ARID2: variants seen among roughly 807,000 people sequenced by gnomAD.
ARID2 encodes the protein AT-rich interactive domain-containing protein 2.
A neutral mutation model predicts 184.6 loss-of-function variants in ARID2; 32 were observed. That is an observed-to-expected ratio of 0.17 (90% CI 0.13 to 0.23). The LOEUF is 0.23. ARID2 is among the 10% of genes least tolerant of loss of function. The pLI is 1.00. For missense variants in ARID2, 1,696 were observed against 2,197.6 expected (o/e 0.77, Z 4.56); for synonymous variants, 836 against 772.6 (o/e 1.08, Z -1.36).
chr12:45,821,521 A>G, intron 6 of ARID2, 34 bp downstream of exon 6: 1 of 1,353,916 alleles, frequency 7.4e-7, no homozygotes, highest in Non-Finnish European at 9.9e-7. Context: ...TGATTCATTG[A>G]GTTACATGCA....
chr12:45,851,383 C>T lies in ARID2; in HGVS notation c.3260C>T (p.Pro1087Leu), dbSNP rs776757244. 2 of 1,614,012 alleles carry T rather than the reference C, an allele frequency of 1.2e-6. No individual in the cohort carries two copies. The highest frequency in any genetic ancestry group is 1.1e-5 in the South Asian group (1 of 91,080). ...LILPAPQIPP[P>L]NNARAPSPQV... Reference sequence around the variant, plus strand: ...CTCCCAGCTCCACAGATTCCTCCCCCTAATAATGCAAGAGCTCCTAGCCCT... The same window carrying T: ...CTCCCAGCTCCACAGATTCCTCCCCTTAATAATGCAAGAGCTCCTAGCCCT... The change falls in exon 15 of 21, where the codon CCT (proline) becomes CTT (leucine). Residue 1087 changes from proline to leucine, a missense_variant. By Grantham distance (98) the Pro-to-Leu change is moderately conservative. Around this residue, in one of 11 missense-constraint regions of ARID2, gnomAD observed 713 missense variants for 824.4 expected, o/e 0.86. Coordinates refer to ENST00000334344, the MANE Select transcript of ARID2 (RefSeq NM_152641.4).
At chr12:45,891,726 G>A (rs1249955152) in intron 16 of ARID2, 54 bp from the exon 17 acceptor site, 28 of 1,572,906 alleles carry the variant, frequency 1.8e-5, no homozygotes, top group Non-Finnish European at 2.3e-5. Context: ...TTTTGAAATA[G>A]TTTCAAAATA....
At chr12:45,882,373 T>G (rs1203503589) in intron 16 of ARID2, 1 of 152,188 alleles carries the variant, frequency 6.6e-6, no homozygotes, top group Non-Finnish European at 1.5e-5. Context: ...GTACGAATAA[T>G]GCTTTGTCTG....
chr12:45,893,564 T>A (rs1944331687), intron 19 of ARID2, 21 bp downstream of exon 19: 1 of 1,612,212 alleles, frequency 6.2e-7, no homozygotes, highest in Non-Finnish European at 8.5e-7. Context: ...CTTGAAACCC[T>A]TATCTGTAAA....
intron 16 of ARID2, among the ~76,000 whole-genome samples, chr12:45,884,433 C>T (rs188245860): frequency 4.0e-4 from 61 of 152,182 alleles, no homozygotes; most frequent in African/African-American, 1.4e-3. Context: ...TGTTATAATA[C>T]CTGAATTGTA....
At chr12:45,737,754 T>C (rs1204593808) in intron 3 of ARID2, among the ~76,000 whole-genome samples, 1 of 152,146 alleles carries the variant, frequency 6.6e-6, no homozygotes, top group Non-Finnish European at 1.5e-5. Context: ...CCAATTTAGT[T>C]GCTGAGATGA....
chr12:45,731,546 C>T (rs910144740), intron 3 of ARID2, among the ~76,000 whole-genome samples: 6 of 152,106 alleles, frequency 3.9e-5, no homozygotes, highest in Non-Finnish European at 7.4e-5. Flanking sequence ...CAGGTGACAC[C>T]CCAGCCCCAA....
chr12:45,741,447 A>C (rs535900488), intron 3 of ARID2, among the ~76,000 whole-genome samples: 4 of 152,142 alleles, frequency 2.6e-5, no homozygotes, highest in African/African-American at 9.7e-5. Flanking sequence ...ATCCATTTGC[A>C]TTGGCCTCCA....
intron 16 of ARID2, chr12:45,881,483 C>G (rs1293756435): frequency 6.5e-6 from 1 of 152,852 alleles, no homozygotes; most frequent in East Asian, 1.9e-4. Context: ...TCTTGGACTT[C>G]AGTTTCTTCT....
chr12:45,900,703 A>G (rs557540740), intron 20 of ARID2, among the ~76,000 whole-genome samples: 1 of 152,188 alleles, frequency 6.6e-6, no homozygotes, highest in South Asian at 2.1e-4. Flanking sequence ...CATATCCTTC[A>G]ATCATTTAAG....
intron 3 of ARID2, among the ~76,000 whole-genome samples, chr12:45,802,524 T>C (rs1315437683): frequency 2.6e-5 from 4 of 152,216 alleles, no homozygotes; most frequent in Admixed American, 2.6e-4. Flanking sequence ...GAATTTCACC[T>C]TTATTGTAAC....
At chr12:45,830,692 A>G (rs1943101357) in intron 6 of ARID2, among the ~76,000 whole-genome samples, 1 of 152,182 alleles carries the variant, frequency 6.6e-6, no homozygotes, top group Non-Finnish European at 1.5e-5. Context: ...AAGTGTTTAA[A>G]TAAATACCCA....
intron 3 of ARID2, among the ~76,000 whole-genome samples, chr12:45,774,627 A>T (rs1363029803): frequency 1.3e-5 from 2 of 152,148 alleles, no homozygotes; most frequent in Admixed American, 6.5e-5. Flanking sequence ...AATATGCAGC[A>T]CTGGTGGGAC....
In ARID2 at chr12:45,846,900, A is replaced by G. The variant is rs771892808; in HGVS notation, c.1543A>G (p.Ile515Val). 1 of 1,613,208 alleles carries G rather than the reference A, an allele frequency of 6.2e-7. No homozygotes were observed. The highest frequency in any genetic ancestry group is 8.5e-7 in the Non-Finnish European group (1 of 1,179,364). The stretch of plus-strand genomic sequence containing the variant: ...GCAGCATGTTGCTCCACCTCCAGGA[A>G]TAGTGGAAATAGATAGTGAGAAGTT... Reference protein sequence around the residue: ...VAQHVAPPPGIVEIDSEKFAC... With the variant: ...VAQHVAPPPGVVEIDSEKFAC... The change falls in exon 12 of 21, where the codon ATA becomes GTA. Residue 515 changes from isoleucine (I) to valine (V), a missense_variant. Physicochemically the swap from Ile to Val is conservative, Grantham distance 29 (BLOSUM62 3). Around this residue, in one of 11 missense-constraint regions of ARID2, gnomAD observed 713 missense variants for 824.4 expected, o/e 0.86. Transcript: ENST00000334344.
At position 45,851,105 on chromosome 12, in the gene ARID2, T is replaced by G; in HGVS notation, c.2982T>G (p.Pro994=). 1 of 1,614,022 alleles carries G rather than the reference T, an allele frequency of 6.2e-7. No homozygotes were observed. Among genetic ancestry groups the G allele is most frequent in the South Asian group, 1.1e-5 (1 of 91,072 alleles). ...VPTAMSSSST[P]QSQGPPPTVS... The stretch of plus-strand genomic sequence containing the variant: ...CTGCCATGTCGTCGTCCTCTACCCC[T>G]CAATCACAGGGACCACCTCCTACTG... Residue 994 remains proline (P), a synonymous_variant, in exon 15 of 21, where the codon CCT becomes CCG. Transcript: ENST00000334344.
At position 45,823,889 on chromosome 12, in the gene ARID2, A is replaced by G. The variant is rs184622622; in HGVS notation, c.705+2402A>G. On this transcript the variant is annotated intron_variant, in intron 6 of 20. Transcript: ENST00000334344. ...AACCAACACCAGTTCTTCTCTAACTATTCCAAAAATCTGAAGGGGAGAGAA... is the reference window on the plus strand; with the variant it reads ...AACCAACACCAGTTCTTCTCTAACTGTTCCAAAAATCTGAAGGGGAGAGAA... Among the ~76,000 whole-genome samples the G allele has an allele frequency of 3.6e-3, 550 of 152,282 alleles. 8 individuals carry two copies. Among genetic ancestry groups the G allele is most frequent in the Admixed American group, 0.028 (431 of 15,286 alleles).
intron 16 of ARID2, among the ~76,000 whole-genome samples, chr12:45,878,809 T>C (rs1944053019): frequency 6.6e-6 from 1 of 152,186 alleles, no homozygotes; most frequent in South Asian, 2.1e-4. Context: ...GCGTGCCTTG[T>C]CAGTTTTTGT....
At position 45,837,700 on chromosome 12, in the gene ARID2, G is replaced by A. The variant is rs2138132927; in HGVS notation, c.1323G>A (p.Lys441=). 1 of 1,613,344 alleles carries A rather than the reference G, an allele frequency of 6.2e-7. No individual in the cohort carries two copies. Among genetic ancestry groups the A allele is most frequent in the Non-Finnish European group, 8.5e-7 (1 of 1,179,424 alleles). Residue 441 remains lysine, a synonymous_variant, in exon 10 of 21, where the codon AAG becomes AAA. Coordinates refer to ENST00000334344, the MANE Select transcript of ARID2 (RefSeq NM_152641.4). ...GCACAAAAATTGCAAAAGTAGAAAA[G>A]AGCATAGGTAAGACTGGACCAAAAA... ...VACTKIAKVE[K]SIDMLVCLVS...
At chr12:45,814,584 A>G (rs1565606346) in intron 4 of ARID2, among the ~76,000 whole-genome samples, 1 of 152,066 alleles carries the variant, frequency 6.6e-6, no homozygotes, top group African/African-American at 2.4e-5. Context: ...CAGGAGGCGG[A>G]GGTTATAGTG....
Sources: gnomAD v4.1 joint callset for allele counts (sites outside exome capture counted in the v4.1 genomes callset) on GRCh38, gnomAD v4.1.1 for gene constraint, gnomAD v4.1.1 regional missense constraint, MANE v1.5 for transcripts, NCBI Gene and HGNC (gene_info 2026-07-23, HGNC 2026-07-21) for gene names.